MAML2: variants seen among roughly 807,000 people sequenced by gnomAD.
MAML2 encodes mastermind like transcriptional coactivator 2.
A neutral mutation model predicts 96.1 loss-of-function variants in MAML2; 22 were observed. The observed-to-expected ratio is 0.23, with a 90% confidence interval of 0.16 to 0.33. The LOEUF (loss-of-function observed/expected upper bound fraction) is 0.33, where lower values mean the gene tolerates loss of function less well. Ranked by LOEUF, MAML2 falls within the 10% of genes least tolerant of loss-of-function variation. The pLI is 1.00. For synonymous variants in MAML2, 561 were observed against 521.3 expected, an observed-to-expected ratio of 1.08 and a Z score of -1.04; for missense variants, 1,367 against 1,392.4, an observed-to-expected ratio of 0.98 and a Z score of 0.29.
At chr11:95,983,362 A>G (rs1172835832) in intron 4 of MAML2, among the ~76,000 whole-genome samples, 3 of 152,234 alleles carry the variant, frequency 2.0e-5, no homozygotes, top group Non-Finnish European at 2.9e-5. Context: ...AGTTGCTCTC[A>G]TAGAAGTAGA....
chr11:96,091,903 G>T lies in MAML2; in HGVS notation c.2128C>A (p.Gln710Lys). Residue 710 changes from glutamine (Q) to lysine (K), a missense_variant, in exon 2 of 5, where the codon CAA (glutamine) becomes AAA (lysine). Gln to Lys is a moderately conservative substitution (Grantham distance 53, BLOSUM62 1). Transcript: ENST00000524717. ...IAGMGYQVSQ[Q>K]QRQDQHSVVG... ...AGTAGAGCCCTTACCTGTCTCTGTT[G>T]TTGGGAGACTTGGTATCCCATTCCT... The T allele has an allele frequency of 6.2e-7, 1 of 1,613,212 alleles. No individual in the cohort carries two copies. The highest frequency in any genetic ancestry group is 1.1e-5 in the South Asian group (1 of 90,820).
At position 96,092,125 on chromosome 11, in the gene MAML2, T is replaced by C. The variant is rs1400245986; in HGVS notation, c.1906A>G (p.Ile636Val). 1 of 1,535,562 alleles carries C rather than the reference T, an allele frequency of 6.5e-7. No homozygotes were observed. Among genetic ancestry groups the C allele is most frequent in the South Asian group, 1.2e-5 (1 of 83,418 alleles). The change falls in exon 2 of 5, where the codon ATT becomes GTT. Residue 636 changes from isoleucine (I) to valine (V), a missense_variant. Ile to Val is a conservative substitution (Grantham distance 29). Coordinates refer to ENST00000524717, the MANE Select transcript of MAML2 (RefSeq NM_032427.4). The surrounding 1 kb of genome is among the most constrained non-coding windows in gnomAD (Gnocchi z 4.1). ...AQQQQQQQSS[I>V]SAQQQQQQQQ... ...TGCTGCTGCTGCTGTTGGGCTGAAATTGAGCTCTGCTGCTGTTGCTGTTGT... is the reference window on the plus strand; with the variant it reads ...TGCTGCTGCTGCTGTTGGGCTGAAACTGAGCTCTGCTGCTGTTGCTGTTGT...
At chr11:96,145,141 T>TA (rs1860795914) in intron 1 of MAML2, among the ~76,000 whole-genome samples, 1 of 152,204 alleles carries the variant, frequency 6.6e-6, no homozygotes, top group African/African-American at 2.4e-5. Flanking sequence ...ACCTTCATTT[T>TA]AAAAATAGTG....
intron 1 of MAML2, among the ~76,000 whole-genome samples, chr11:96,104,882 T>C (rs1028355504): frequency 1.9e-4 from 29 of 152,266 alleles, no homozygotes; most frequent in African/African-American, 7.0e-4. Context: ...AACTTTCCAA[T>C]TCCTAATTCC....
At chr11:96,053,806 A>G (rs1250471913) in intron 2 of MAML2, among the ~76,000 whole-genome samples, 1 of 152,166 alleles carries the variant, frequency 6.6e-6, no homozygotes, top group East Asian at 1.9e-4. Context: ...TAACATACCA[A>G]TAAGTCATGT....
At chr11:96,181,557 C>G (rs1861485690) in intron 1 of MAML2, among the ~76,000 whole-genome samples, 1 of 152,062 alleles carries the variant, frequency 6.6e-6, no homozygotes, top group Admixed American at 6.6e-5. Context: ...CCCTCCCACC[C>G]CCTTCAAGTC....
At chr11:96,100,396 G>A (rs1479508570) in intron 1 of MAML2, among the ~76,000 whole-genome samples, 4 of 148,644 alleles carry the variant, frequency 2.7e-5, no homozygotes, top group Admixed American at 2.7e-4. Context: ...TGCAACCTCC[G>A]CCTCCCAGGT....
At chr11:96,101,667 C>T (rs1313496266) in intron 1 of MAML2, among the ~76,000 whole-genome samples, 2 of 152,202 alleles carry the variant, frequency 1.3e-5, no homozygotes, top group African/African-American at 2.4e-5. Context: ...CAGCATTATT[C>T]CAAGCTCAAA....
intron 1 of MAML2, among the ~76,000 whole-genome samples, chr11:96,246,483 C>T (rs1862513863): frequency 6.6e-6 from 1 of 152,032 alleles, no homozygotes; most frequent in African/African-American, 2.4e-5. Context: ...TCAAGGAGGG[C>T]GTCAGAGAGG....
intron 1 of MAML2, among the ~76,000 whole-genome samples, chr11:96,188,134 C>G (rs957110709): frequency 1.3e-5 from 2 of 152,200 alleles, no homozygotes; most frequent in African/African-American, 2.4e-5. Context: ...TGTATGAGAA[C>G]TCTTAGGTTT....
intron 1 of MAML2, among the ~76,000 whole-genome samples, chr11:96,168,855 G>T (rs1182832182): frequency 1.3e-5 from 2 of 152,182 alleles, no homozygotes; most frequent in African/African-American, 4.8e-5. Flanking sequence ...TGGCTGGTGT[G>T]GGGATTTGAG....
At position 96,115,035 on chromosome 11, in the gene MAML2, G is replaced by GA. The variant is rs139725037; in HGVS notation, c.514-21519dup. On this transcript the variant is annotated intron_variant, in intron 1 of 4. Coordinates refer to ENST00000524717, the MANE Select transcript of MAML2 (RefSeq NM_032427.4). ...CTGAGGTTCTTCAGGAGAGGACACG[G>GA]AAGTTCATGGGCTGGCATAGGTCAC... Among the ~76,000 whole-genome samples, 539 of 152,306 alleles carry GA rather than the reference G, an allele frequency of 3.5e-3. 15 individuals carry two copies. In the East Asian group the frequency reaches 0.075, roughly 21 times the overall value.
chr11:96,195,842 G>T (rs1861721710), intron 1 of MAML2, among the ~76,000 whole-genome samples: 1 of 152,150 alleles, frequency 6.6e-6, no homozygotes, highest in East Asian at 1.9e-4. Context: ...TAGCAAAAAC[G>T]ACATGTTCCA....
rs538138093 is a variant in MAML2 at position 96,128,414 on chromosome 11, C to G, written c.514-34897G>C. On this transcript the variant is annotated intron_variant, in intron 1 of 4. Coordinates refer to ENST00000524717, the MANE Select transcript of MAML2 (RefSeq NM_032427.4). ...CTCAGTCTCGGGAAAAAAAAATACTCCTAGTTCACACACCAAATCTTGAGA... is the reference window on the plus strand; with the variant it reads ...CTCAGTCTCGGGAAAAAAAAATACTGCTAGTTCACACACCAAATCTTGAGA... 2.0e-5 allele frequency among the ~76,000 whole-genome samples: 3 copies of G among 152,152 alleles called. 1 individual carries two copies. The highest frequency in any genetic ancestry group is 2.0e-4 in the Admixed American group (3 of 15,264).
intron 1 of MAML2, among the ~76,000 whole-genome samples, chr11:96,177,243 A>T (rs1452897134): frequency 6.6e-6 from 1 of 152,204 alleles, no homozygotes; most frequent in Admixed American, 6.5e-5. Context: ...CCCTTTGAGG[A>T]TTATGAATCA....
rs1165827725 is a variant in MAML2 at position 96,092,472 on chromosome 11, G to A, written c.1559C>T (p.Ser520Leu). 1.1e-5 allele frequency: 17 copies of A among 1,610,700 alleles called. No homozygotes were observed. The highest frequency in any genetic ancestry group is 1.4e-5 in the Non-Finnish European group (17 of 1,178,158). Residue 520 changes from serine to leucine, a missense_variant, in exon 2 of 5, where the codon TCA becomes TTA. Coordinates refer to ENST00000524717, the MANE Select transcript of MAML2 (RefSeq NM_032427.4). This position sits in a 1 kb window ranked among gnomAD's most constrained non-coding sequence, Gnocchi z 4.1. ...GACATCTAGGTGCCCACCCTGGGCTGAGGGGCCGGCCTTGTACATGTAGTT... is the reference window on the plus strand; with the variant it reads ...GACATCTAGGTGCCCACCCTGGGCTAAGGGGCCGGCCTTGTACATGTAGTT... The part of the protein sequence containing the change: ...MANYMYKAGP[S>L]AQGGHLDVLM...
At chr11:96,323,951 C>T (rs770699451) in intron 1 of MAML2, among the ~76,000 whole-genome samples, 18 of 152,220 alleles carry the variant, frequency 1.2e-4, no homozygotes, top group Non-Finnish European at 2.5e-4. Flanking sequence ...AGAAAAGAGA[C>T]GACTGGCAAC....
Position 96,114,969 on chromosome 11 carries a change from G to A in MAML2, c.514-21452C>T, listed in dbSNP as rs138580414. 2.0e-3 allele frequency among the ~76,000 whole-genome samples: 306 copies of A among 152,276 alleles called. 2 individuals are homozygous for A. Among genetic ancestry groups the A allele is most frequent in the Admixed American group, 5.5e-3 (84 of 15,306 alleles). On this transcript the variant is annotated intron_variant, in intron 1 of 4. Coordinates refer to ENST00000524717, the MANE Select transcript of MAML2 (RefSeq NM_032427.4). ...CTAGTGAGGCAGAGGCAGCCGGTAT[G>A]GAGGTTGGTTAGAAACTGAGCTGTC... is the stretch of plus-strand genomic sequence containing the variant.
At chr11:96,043,608 G>A (rs767912627) in intron 2 of MAML2, among the ~76,000 whole-genome samples, 3 of 152,194 alleles carry the variant, frequency 2.0e-5, no homozygotes, top group Non-Finnish European at 4.4e-5. Flanking sequence ...GACCAGAATC[G>A]ATGAGAAATC....
Sources: gnomAD v4.1 joint callset for allele counts (sites outside exome capture counted in the v4.1 genomes callset) on GRCh38, gnomAD v4.1.1 for gene constraint, Gnocchi (gnomAD v3.1) non-coding constraint, MANE v1.5 for transcripts, NCBI Gene and HGNC (gene_info 2026-07-23, HGNC 2026-07-21) for gene names.